The following LOXL2 variants were observed in gnomAD, a reference collection of about 807,000 sequenced individuals.
LOXL2 encodes the protein lysyl oxidase homolog 2.
Under a neutral mutation model 93.0 loss-of-function variants are expected in LOXL2, and 70 were observed. That is an observed-to-expected ratio of 0.75 (90% CI 0.62 to 0.92). The LOEUF (loss-of-function observed/expected upper bound fraction) is 0.92. Among genes scored for constraint, LOXL2 ranks in the 40% least tolerant of loss-of-function variants. The pLI is 0.00. For missense variants in LOXL2, 973 were observed against 1,054.9 expected (o/e 0.92, Z 1.08); for synonymous variants, 438 against 413.2 (o/e 1.06, Z -0.73).
intron 9 of LOXL2, among the ~76,000 whole-genome samples, chr8:23,311,386 T>C (rs1020119786): frequency 6.6e-6 from 1 of 152,206 alleles, no homozygotes; most frequent in Admixed American, 6.5e-5. Flanking sequence ...TATTTCTTCT[T>C]GGAGGCTACG....
At position 23,297,088 on chromosome 8, in the gene LOXL2, G is replaced by GA. The variant is rs913035941; in HGVS notation, c.*954dup. On this transcript the variant is annotated 3_prime_UTR_variant, in exon 14 of 14. Transcript: ENST00000389131. ...ACCCATGTCCACCGGAGAAAACCAC[G>GA]AATGTACCTGAAGCTCTGCTTCTGG... 59 of 152,284 alleles carry GA rather than the reference G, an allele frequency of 3.9e-4. 1 individual carries two copies. Among genetic ancestry groups the GA allele is most frequent in the African/African-American group, 1.3e-3 (52 of 41,556 alleles). The allele number at this position is 152,284 out of a possible 1,614,324, so 9.4% of individuals were successfully genotyped here.
intron 1 of LOXL2, among the ~76,000 whole-genome samples, chr8:23,397,605 T>C (rs915126724): frequency 2.0e-5 from 3 of 151,960 alleles, no homozygotes; most frequent in African/African-American, 7.3e-5. Flanking sequence ...GGTGAAACCC[T>C]GTATCTACTA....
chr8:23,380,083 C>A (rs546289124), intron 1 of LOXL2, among the ~76,000 whole-genome samples: 12 of 152,288 alleles, frequency 7.9e-5, no homozygotes, highest in Admixed American at 5.9e-4. Flanking sequence ...CTTGGAATTG[C>A]CCCCTCGCAA....
chr8:23,367,989 GC>G lies in LOXL2; in HGVS notation c.355+7del, dbSNP rs770195823. 34 of 1,607,228 alleles carry G rather than the reference GC, an allele frequency of 2.1e-5. No individual in the cohort carries two copies. In the Admixed American group the frequency reaches 5.7e-4, roughly 27 times the overall value. ...ACAGCACTCAGATCCAAAGCACAGA[GC>G]GTTTACCTTCTCCCTTGCCGTAGGA... On this transcript the variant is annotated splice_region_variant and intron_variant, in intron 2 of 13. Coordinates refer to ENST00000389131, the MANE Select transcript of LOXL2 (RefSeq NM_002318.3).
rs1365825051 is a variant in LOXL2 at position 23,297,318 on chromosome 8, C to T, written c.*725G>A. On this transcript the variant is annotated 3_prime_UTR_variant, in exon 14 of 14. Transcript: ENST00000389131. The stretch of plus-strand genomic sequence containing the variant: ...TCAAAAACCCACAGAATTGGAACAA[C>T]AGGAAGATGAGTCACTTACACAGTG... 6.6e-6 allele frequency: 1 copy of T among 152,210 alleles called. No individual in the cohort carries two copies. The highest frequency in any genetic ancestry group is 1.5e-5 in the Non-Finnish European group (1 of 68,052). 9.4% of individuals were successfully genotyped at this position (152,210 alleles called of 1,614,324 possible).
At chr8:23,382,936 C>T (rs965260668) in intron 1 of LOXL2, among the ~76,000 whole-genome samples, 7 of 152,096 alleles carry the variant, frequency 4.6e-5, no homozygotes, top group African/African-American at 7.2e-5. Context: ...ACCCCAAACA[C>T]CTGCTCCCAC....
intron 1 of LOXL2, among the ~76,000 whole-genome samples, chr8:23,372,534 T>C (rs1393302118): frequency 5.3e-5 from 8 of 152,094 alleles, no homozygotes. Flanking sequence ...AGCTTTATAT[T>C]TCTTAGAAGA....
At chr8:23,309,432 T>G (rs1044259859) in intron 10 of LOXL2, among the ~76,000 whole-genome samples, 1 of 152,166 alleles carries the variant, frequency 6.6e-6, no homozygotes, top group African/African-American at 2.4e-5. Flanking sequence ...TTCCTGATGT[T>G]AGAAGCATTG....
intron 10 of LOXL2, 41 bp downstream of exon 10, chr8:23,309,627 C>A: frequency 7.2e-7 from 1 of 1,383,138 alleles, no homozygotes. Flanking sequence ...GCAGGATGTC[C>A]GCCGGGCAGC....
rs550453461 is a variant in LOXL2, at chr8:23,314,536, C to T, written c.1636+2413G>A. Among the ~76,000 whole-genome samples the T allele has an allele frequency of 2.0e-3, 275 of 138,146 alleles. 3 individuals are homozygous for T. Among genetic ancestry groups the T allele is most frequent in the African/African-American group, 6.8e-3 (260 of 38,076 alleles). 90.6% of individuals were successfully genotyped at this position (138,146 alleles called of 152,430 possible). The stretch of plus-strand genomic sequence containing the variant: ...GAAATCATCATTCTCAGTAAACTAT[C>T]GCAAGAACAAAAAACCAAACACCGC... On this transcript the variant is annotated intron_variant, in intron 9 of 13. Coordinates refer to ENST00000389131, the MANE Select transcript of LOXL2 (RefSeq NM_002318.3).
intron 13 of LOXL2, 129 bp downstream of exon 13, chr8:23,298,707 T>G: frequency 1.6e-6 from 1 of 631,900 alleles, no homozygotes; most frequent in Non-Finnish European, 2.9e-6. Context: ...GCTTCTGTCC[T>G]GAATGTGGAA....
intron 10 of LOXL2, among the ~76,000 whole-genome samples, chr8:23,304,657 A>G (rs1267023915): frequency 6.6e-6 from 1 of 152,152 alleles, no homozygotes; most frequent in Non-Finnish European, 1.5e-5. Context: ...GGCGTCAAAT[A>G]ACTAATGCGA....
intron 1 of LOXL2, among the ~76,000 whole-genome samples, chr8:23,382,843 G>A (rs995630374): frequency 3.9e-5 from 6 of 152,134 alleles, no homozygotes; most frequent in Non-Finnish European, 7.4e-5. Flanking sequence ...ACTGTCTGAT[G>A]ATGCTCTTCT....
At chr8:23,319,460 G>A (rs73544001) in intron 8 of LOXL2, among the ~76,000 whole-genome samples, 2,754 of 152,300 alleles carry the variant, frequency 0.018, 87 homozygotes, top group African/African-American at 0.063. Context: ...AGACCAGAGC[G>A]GGTTTCAAGG....
At chr8:23,301,164 G>A (rs1403657509) in intron 12 of LOXL2, among the ~76,000 whole-genome samples, 1 of 152,226 alleles carries the variant, frequency 6.6e-6, no homozygotes, top group Admixed American at 6.5e-5. Flanking sequence ...ACACATTTCT[G>A]GTCATCCACT....
chr8:23,323,577 T>C (rs554375518), intron 6 of LOXL2, among the ~76,000 whole-genome samples: 8 of 152,142 alleles, frequency 5.3e-5, no homozygotes, highest in African/African-American at 1.4e-4. Flanking sequence ...CAGCCTGAGA[T>C]TGAATTCAGC....
intron 3 of LOXL2, among the ~76,000 whole-genome samples, chr8:23,347,168 A>AC (rs1804003527): frequency 2.1e-5 from 3 of 141,876 alleles, no homozygotes; most frequent in African/African-American, 5.1e-5. Context: ...AACACACACA[A>AC]ACACACACAC....
chr8:23,354,949 ATTTTTTTTTTTT>A (rs60819350), intron 3 of LOXL2, among the ~76,000 whole-genome samples: 51 of 77,672 alleles, frequency 6.6e-4, no homozygotes, highest in African/African-American at 2.0e-3. Flanking sequence ...ATATATATAT[ATTTTTTTTTTTT>A]TTTTTTTTTT....
chr8:23,359,147 C>A (rs530781836), intron 3 of LOXL2, among the ~76,000 whole-genome samples: 3 of 151,802 alleles, frequency 2.0e-5, no homozygotes, highest in Non-Finnish European at 4.4e-5. Context: ...CCCCCGCGCC[C>A]GACCCAGTAC....
Sources: allele counts gnomAD v4.1 joint callset (sites outside exome capture counted in the v4.1 genomes callset), GRCh38; gene constraint gnomAD v4.1.1; transcripts MANE v1.5; gene names NCBI Gene and HGNC (gene_info 2026-07-23, HGNC 2026-07-21).